MUSK: variants seen among roughly 807,000 people sequenced by gnomAD.
MUSK encodes the protein muscle, skeletal receptor tyrosine-protein kinase.
MUSK carries 55 observed loss-of-function variants against 88.7 expected under a neutral mutation model. The ratio of observed to expected loss-of-function variants is 0.62; its 90% CI spans 0.50 to 0.78. The LOEUF is 0.78. Among genes scored for constraint, MUSK ranks in the 30% least tolerant of loss-of-function variants. The pLI is 0.00. For synonymous variants in MUSK, 387 were observed against 391.9 expected (o/e 0.99, Z 0.15); for missense variants, 1,015 against 1,074.3 (o/e 0.94, Z 0.77).
chr9:110,689,481 T>C (rs193007895), intron 3 of MUSK, among the ~76,000 whole-genome samples: 1,414 of 107,316 alleles, frequency 0.013, 6 homozygotes, highest in African/African-American at 0.06. Flanking sequence ...GTAAAAAATA[T>C]AAAAATATGT....
intron 8 of MUSK, among the ~76,000 whole-genome samples, chr9:110,764,022 C>G (rs1046126752): frequency 6.6e-6 from 1 of 152,128 alleles, no homozygotes; most frequent in African/African-American, 2.4e-5. Context: ...ATTATTGCCT[C>G]TACAAGAAAG....
rs1042976371 is a variant in MUSK, at chr9:110,734,444, A to T, written c.753+69A>T. 4 of 1,595,824 alleles carry T rather than the reference A, an allele frequency of 2.5e-6. No homozygotes were observed. The African/African-American group carries it at 5.4e-5, about 21-fold the overall frequency. On this transcript the variant is annotated intron_variant, in intron 6 of 14. Transcript: ENST00000374448. The stretch of plus-strand genomic sequence containing the variant: ...GGTGGTGAACTTCAGGATAGACCAT[A>T]TAGTTGTAGTTACCCAGATCTCTGT...
chr9:110,747,178 C>A (rs187481970), intron 6 of MUSK, among the ~76,000 whole-genome samples: 6 of 152,274 alleles, frequency 3.9e-5, no homozygotes, highest in Admixed American at 3.9e-4. Flanking sequence ...TGGTCAAGTT[C>A]CTGTGATCGG....
intron 2 of MUSK, among the ~76,000 whole-genome samples, chr9:110,684,774 T>G (rs558722847): frequency 7.3e-4 from 111 of 152,266 alleles, no homozygotes; most frequent in African/African-American, 2.5e-3. Context: ...TTTTTCATAT[T>G]GTTCATTGTT....
chr9:110,768,783 T>C (rs532515710), intron 9 of MUSK, among the ~76,000 whole-genome samples: 58 of 152,312 alleles, frequency 3.8e-4, no homozygotes, highest in Middle Eastern at 3.4e-3. Flanking sequence ...TCTCTGAATG[T>C]TATTTTAAAG....
At position 110,767,204 on chromosome 9, in the gene MUSK, C is replaced by T. The variant is rs116846207; in HGVS notation, c.921-616C>T. 3.8e-3 allele frequency among the ~76,000 whole-genome samples: 575 copies of T among 152,286 alleles called. 31 individuals are homozygous for T. The East Asian group carries it at 0.1, about 27-fold the overall frequency. Reference sequence around the variant, plus strand: ...GAGACATGATGAGAAAACAGCAAAGCTGAAGGTGCTACTTGGCTCCTCTGG... The same window carrying T: ...GAGACATGATGAGAAAACAGCAAAGTTGAAGGTGCTACTTGGCTCCTCTGG... On this transcript the variant is annotated intron_variant, in intron 8 of 14. Coordinates refer to ENST00000374448, the MANE Select transcript of MUSK (RefSeq NM_005592.4).
intron 7 of MUSK, among the ~76,000 whole-genome samples, chr9:110,753,209 T>G (rs1274007608): frequency 1.3e-5 from 2 of 152,074 alleles, no homozygotes; most frequent in Non-Finnish European, 2.9e-5. Flanking sequence ...GGTGGGCAGA[T>G]CACCTGAAGT....
At chr9:110,696,859 T>C (rs2076435780) in intron 4 of MUSK, among the ~76,000 whole-genome samples, 1 of 151,908 alleles carries the variant, frequency 6.6e-6, no homozygotes, top group South Asian at 2.1e-4. Context: ...ATGAACTGTA[T>C]AGTGGCCAAG....
rs138389139 is a variant in MUSK, at chr9:110,761,854, G to A, written c.914-348G>A. 2,130 of 963,890 alleles carry A rather than the reference G, an allele frequency of 2.2e-3. 32 individuals are homozygous for A. The African/African-American group carries it at 0.035, about 16-fold the overall frequency. The allele number at this position is 963,890 out of a possible 1,614,324, so 59.7% of individuals were successfully genotyped here. ...CTTCCAAAGTGCTGGGATTACAGGC[G>A]TGAGCCACCGCGCCCGGCCCACATC... On this transcript the variant is annotated intron_variant, in intron 7 of 14. Transcript: ENST00000374448.
chr9:110,694,215 CAAAAAAAAA>C (rs1217917603), intron 3 of MUSK, among the ~76,000 whole-genome samples: 2 of 72,108 alleles, frequency 2.8e-5, no homozygotes, highest in East Asian at 3.7e-4. Flanking sequence ...ACTAAAAATA[CAAAAAAAAA>C]AAAAAAAAAA....
At chr9:110,765,501 G>T (rs1410222973) in intron 8 of MUSK, among the ~76,000 whole-genome samples, 1 of 152,126 alleles carries the variant, frequency 6.6e-6, no homozygotes, top group African/African-American at 2.4e-5. Context: ...CAAGAGAAGA[G>T]CATAACAAAT....
At chr9:110,752,275 A>C (rs2077257985) in intron 7 of MUSK, among the ~76,000 whole-genome samples, 1 of 152,156 alleles carries the variant, frequency 6.6e-6, no homozygotes, top group Middle Eastern at 3.2e-3. Context: ...ACCTCCCAAC[A>C]CTGGGGTGCT....
At chr9:110,678,837 T>C (rs1249797885) in intron 1 of MUSK, among the ~76,000 whole-genome samples, 1 of 152,102 alleles carries the variant, frequency 6.6e-6, no homozygotes, top group Non-Finnish European at 1.5e-5. Flanking sequence ...TGCTATTCTG[T>C]TTTACTACAT....
At chr9:110,734,220 G>A in intron 5 of MUSK, 31 bp from the exon 6 acceptor site, 1 of 1,591,990 alleles carries the variant, frequency 6.3e-7, no homozygotes, top group South Asian at 1.1e-5. Flanking sequence ...TCCTGCAGGA[G>A]CGTCACTCAC....
intron 3 of MUSK, among the ~76,000 whole-genome samples, chr9:110,689,198 A>G (rs1276869796): frequency 4.5e-5 from 5 of 110,586 alleles, no homozygotes; most frequent in African/African-American, 1.8e-4. Context: ...TATCATATAT[A>G]TATTCATATT....
At chr9:110,739,863 A>G (rs2077075079) in intron 6 of MUSK, among the ~76,000 whole-genome samples, 1 of 152,160 alleles carries the variant, frequency 6.6e-6, no homozygotes, top group African/African-American at 2.4e-5. Context: ...TAACTCATCT[A>G]ACTGGTGGCT....
At position 110,734,311 on chromosome 9, in the gene MUSK, C is replaced by A. The variant is rs1191319937; in HGVS notation, c.689C>A (p.Thr230Asn). 1.9e-6 allele frequency: 3 copies of A among 1,613,296 alleles called. No individual in the cohort carries two copies. In the Admixed American group the frequency reaches 5.0e-5, roughly 27 times the overall value. ...SHNVTFGSFV[T>N]LHCTATGIPV... The stretch of plus-strand genomic sequence containing the variant: ...AATGTCACCTTTGGCTCCTTTGTGA[C>A]CCTGCACTGTACAGCAACAGGCATT... Residue 230 changes from threonine to asparagine, a missense_variant, in exon 6 of 15, where the codon ACC (threonine) becomes AAC (asparagine). Transcript: ENST00000374448.
chr9:110,677,416 G>A (rs777657594), intron 1 of MUSK, among the ~76,000 whole-genome samples: 1 of 152,080 alleles, frequency 6.6e-6, no homozygotes, highest in Non-Finnish European at 1.5e-5. Flanking sequence ...TTAACGTCTC[G>A]GCAGCATTTG....
chr9:110,762,066 C>A, intron 7 of MUSK, 136 bp from the exon 8 acceptor site: 1 of 1,029,960 alleles, frequency 9.7e-7, no homozygotes, highest in Non-Finnish European at 1.3e-6. Context: ...CTAGCAGAAG[C>A]GGAGAACTTT....
Sources: gnomAD v4.1 joint callset for allele counts (sites outside exome capture counted in the v4.1 genomes callset) on GRCh38, gnomAD v4.1.1 for gene constraint, MANE v1.5 for transcripts, NCBI Gene and HGNC (gene_info 2026-07-23, HGNC 2026-07-21) for gene names.